The following NCBP1 variants were observed in gnomAD, a reference collection of about 807,000 sequenced individuals.
NCBP1 encodes the protein nuclear cap binding protein subunit 1, also known as nuclear cap-binding protein subunit 1.
A neutral mutation model predicts 111.7 loss-of-function variants in NCBP1; 16 were observed. That is an observed-to-expected ratio of 0.14 (90% CI 0.10 to 0.22). NCBP1 has a LOEUF of 0.22. NCBP1 is among the 10% of genes least tolerant of loss of function. The pLI is 1.00. For missense variants in NCBP1, 607 were observed against 957.5 expected (o/e 0.63, Z 4.83); for synonymous variants, 304 against 314.3 (o/e 0.97, Z 0.35).
At chr9:97,659,059 A>G (rs1443974628) in intron 15 of NCBP1, among the ~76,000 whole-genome samples, 1 of 152,266 alleles carries the variant, frequency 6.6e-6, no homozygotes, top group Non-Finnish European at 1.5e-5. Context: ...GGTTACTTGA[A>G]TTCATTATCT....
chr9:97,636,841 G>T (rs1485743279), intron 1 of NCBP1, among the ~76,000 whole-genome samples: 1 of 151,832 alleles, frequency 6.6e-6, no homozygotes, highest in Admixed American at 6.6e-5. Flanking sequence ...GTGATACCAG[G>T]TAAAGAGGGG....
intron 12 of NCBP1, 82 bp from the exon 13 acceptor site, chr9:97,655,620 G>C: frequency 3.4e-6 from 4 of 1,170,290 alleles, no homozygotes; most frequent in South Asian, 1.5e-5. Flanking sequence ...GGTTTTATCT[G>C]TTTGAAGGCT....
Position 97,671,478 on chromosome 9 carries a change from C to G in NCBP1, c.*279C>G. The G allele has an allele frequency of 9.5e-6, 3 of 317,018 alleles. No homozygotes were observed. Among genetic ancestry groups the G allele is most frequent in the Non-Finnish European group, 1.8e-5 (3 of 170,474 alleles). 19.6% of individuals were successfully genotyped at this position (317,018 alleles called of 1,614,324 possible). A position where few individuals can be genotyped will look rare whatever the true frequency, so the allele number is the denominator to read the frequency against. The stretch of plus-strand genomic sequence containing the variant: ...TGTTATTTTTTTTCTCCTTAAGGCA[C>G]AAAATAATTGGTTTGAGGTATGTGA... On this transcript the variant is annotated 3_prime_UTR_variant, in exon 23 of 23. Transcript: ENST00000375147.
rs778103727 is a variant in NCBP1 at position 97,666,832 on chromosome 9, A to G, written c.1971A>G (p.Lys657=). 6.8e-6 allele frequency: 11 copies of G among 1,610,740 alleles called. No homozygotes were observed. Among genetic ancestry groups the G allele is most frequent in the South Asian group, 3.3e-5 (3 of 90,056 alleles). ...KMNKHVLKIQ[K]ELEEAKEKLA... ...ACAAACATGTCCTGAAGATCCAGAA[A>G]GAGCTGGAAGAAGCTAAAGAGAAAC... The change falls in exon 20 of 23, where the codon AAA becomes AAG. Residue 657 remains lysine (K), a synonymous_variant. Transcript: ENST00000375147.
In NCBP1 at chr9:97,671,744, T is replaced by C. The variant is rs1338697608; in HGVS notation, c.*545T>C. The C allele has an allele frequency of 1.3e-5, 2 of 152,276 alleles. No homozygotes were observed. The highest frequency in any genetic ancestry group is 2.9e-5 in the Non-Finnish European group (2 of 68,058). The allele number at this position is 152,276 out of a possible 1,614,324, so 9.4% of individuals were successfully genotyped here. On this transcript the variant is annotated 3_prime_UTR_variant, in exon 23 of 23. Transcript: ENST00000375147. ...TCAAAGTATTTTTAAGTAGTATCTT[T>C]AAGACATGACTTGTTAGTAATAAAA...
At position 97,669,576 on chromosome 9, in the gene NCBP1, T is replaced by A. The variant is rs776287195; in HGVS notation, c.2146-17T>A. 37 of 1,554,100 alleles carry A rather than the reference T, an allele frequency of 2.4e-5. No individual in the cohort carries two copies. Among genetic ancestry groups the A allele is most frequent in the South Asian group, 2.0e-4 (18 of 89,820 alleles). On this transcript the variant is annotated splice_polypyrimidine_tract_variant and intron_variant, in intron 21 of 22. Coordinates refer to ENST00000375147, the MANE Select transcript of NCBP1 (RefSeq NM_002486.5). ...ATTCTGTCTGTAGTACTACCTTAAC[T>A]TCTTCTCCCTTTCCAGCGGTTTATC...
At position 97,662,978 on chromosome 9, in the gene NCBP1, A is replaced by C. The variant is rs557963365; in HGVS notation, c.1728A>C (p.Leu576=). The change falls in exon 18 of 23, where the codon CTA becomes CTC. Residue 576 remains leucine, a synonymous_variant. Transcript: ENST00000375147. ...GGTTTCATGAAGTCTTCAAAACCCT[A>C]GCTGAAAGTGATGAAGGAAAGTTAC... ...LAKFHEVFKT[L]AESDEGKLHV... 6 of 1,613,320 alleles carry C rather than the reference A, an allele frequency of 3.7e-6. No homozygotes were observed. In the African/African-American group the frequency reaches 8.0e-5, roughly 22 times the overall value.
At chr9:97,668,813 G>A (rs1423436458) in intron 20 of NCBP1, 33 bp from the exon 21 acceptor site, 6 of 1,600,818 alleles carry the variant, frequency 3.7e-6, no homozygotes, top group Non-Finnish European at 4.3e-6. Context: ...GAATCTAAAT[G>A]GTATTTTCCT....
Position 97,656,024 on chromosome 9 carries a change from A to G in NCBP1, c.1312A>G (p.Ser438Gly). Residue 438 changes from serine to glycine, a missense_variant, in exon 14 of 23, where the codon AGT becomes GGT. Ser to Gly is a moderately conservative substitution (Grantham distance 56). Coordinates refer to ENST00000375147, the MANE Select transcript of NCBP1 (RefSeq NM_002486.5). ...TTTCCTCCTTAGGTCAGATTGTCTT[A>G]GTCAAGATCCTGAAAGTCCCAAACC... ...WSWEDWSDCL[S>G]QDPESPKPKF... is the part of the protein sequence containing the mutation. 1 of 1,613,828 alleles carries G rather than the reference A, an allele frequency of 6.2e-7. No individual in the cohort carries two copies.
chr9:97,641,847 A>G (rs1827215999), intron 3 of NCBP1, among the ~76,000 whole-genome samples, 185 bp downstream of exon 3: 1 of 152,148 alleles, frequency 6.6e-6, no homozygotes, highest in Admixed American at 6.6e-5. Context: ...GATAAAACTA[A>G]AATTGAACAT....
chr9:97,667,754 C>A (rs924567928), intron 20 of NCBP1, among the ~76,000 whole-genome samples: 4 of 152,210 alleles, frequency 2.6e-5, no homozygotes, highest in Non-Finnish European at 5.9e-5. Context: ...TAGTTAAATA[C>A]AATTTAACAT....
intron 21 of NCBP1, 103 bp from the exon 22 acceptor site, chr9:97,669,486 AAGAC>A: frequency 1.4e-6 from 1 of 712,690 alleles, no homozygotes; most frequent in Non-Finnish European, 2.4e-6. Context: ...ACACACCACA[AAGAC>A]AGGGTGGAAC....
chr9:97,640,524 C>G (rs927840908), intron 1 of NCBP1, among the ~76,000 whole-genome samples: 3 of 152,026 alleles, frequency 2.0e-5, no homozygotes, highest in East Asian at 3.9e-4. Flanking sequence ...CAGAAATGGA[C>G]AGGGCTGCTG....
chr9:97,634,957 C>T (rs1035748764), intron 1 of NCBP1, among the ~76,000 whole-genome samples: 4 of 152,164 alleles, frequency 2.6e-5, no homozygotes, highest in Non-Finnish European at 5.9e-5. Flanking sequence ...AGGTAATACA[C>T]ATCAGCAACA....
In NCBP1 at chr9:97,641,552, T is replaced by C; in HGVS notation, c.124-10T>C. Reference sequence around the variant, plus strand: ...TACTTGACAGATATTTAATGTGATGTCCTCTACAGAGTGCCTGCTCTTTGG... The same window carrying C: ...TACTTGACAGATATTTAATGTGATGCCCTCTACAGAGTGCCTGCTCTTTGG... On this transcript the variant is annotated splice_polypyrimidine_tract_variant and intron_variant, in intron 2 of 22. Coordinates refer to ENST00000375147, the MANE Select transcript of NCBP1 (RefSeq NM_002486.5). 1 of 1,580,204 alleles carries C rather than the reference T, an allele frequency of 6.3e-7. No homozygotes were observed. The highest frequency in any genetic ancestry group is 1.2e-5 in the South Asian group (1 of 85,614).
At chr9:97,646,102 G>A (rs1827328657) in intron 6 of NCBP1, among the ~76,000 whole-genome samples, 1 of 152,210 alleles carries the variant, frequency 6.6e-6, no homozygotes, top group Admixed American at 6.5e-5. Flanking sequence ...ATTTGAGAGA[G>A]AGGTTTGGAC....
chr9:97,645,903 G>C (rs1020460632), intron 6 of NCBP1, among the ~76,000 whole-genome samples, 171 bp downstream of exon 6: 9 of 152,210 alleles, frequency 5.9e-5, no homozygotes, highest in African/African-American at 1.9e-4. Flanking sequence ...GTCAGATATG[G>C]TTTGCTTACT....
chr9:97,670,477 A>T (rs908841161), intron 22 of NCBP1, among the ~76,000 whole-genome samples: 1 of 152,214 alleles, frequency 6.6e-6, no homozygotes, highest in Non-Finnish European at 1.5e-5. Context: ...ATCTTCGGAC[A>T]CTACTCCCCT....
At position 97,652,615 on chromosome 9, in the gene NCBP1, G is replaced by A. The variant is rs141594618; in HGVS notation, c.1060-1183G>A. Among the ~76,000 whole-genome samples the A allele has an allele frequency of 2.3e-3, 343 of 152,236 alleles. 1 individual carries two copies. The highest frequency in any genetic ancestry group is 3.9e-3 in the Non-Finnish European group (267 of 68,004). On this transcript the variant is annotated intron_variant, in intron 10 of 22. Transcript: ENST00000375147. ...AGCCTGGGTGACAGAGTGAGAGTCC[G>A]TCTCAAAATAAATAAATAGTGTTCA...
Sources: gnomAD v4.1 joint callset for allele counts (sites outside exome capture counted in the v4.1 genomes callset) on GRCh38, gnomAD v4.1.1 for gene constraint, MANE v1.5 for transcripts, NCBI Gene and HGNC (gene_info 2026-07-23, HGNC 2026-07-21) for gene names.